EBF1: variants seen among roughly 807,000 people sequenced by gnomAD.
EBF1 encodes transcription factor COE1.
In EBF1, 10 loss-of-function variants were observed where a neutral mutation model predicts 68.4. The ratio of observed to expected loss-of-function variants is 0.15; its 90% confidence interval spans 0.09 to 0.25. The LOEUF (loss-of-function observed/expected upper bound fraction) is 0.25, where lower values mean the gene tolerates loss of function less well. Among genes scored for constraint, EBF1 ranks in the 10% least tolerant of loss-of-function variants. The pLI is 1.00. For synonymous variants in EBF1, 298 were observed against 299.8 expected (o/e 0.99, Z 0.06); for missense variants, 509 against 794.4 (o/e 0.64, Z 4.32).
At chr5:158,725,917 A>G (rs1371991562) in intron 11 of EBF1, among the ~76,000 whole-genome samples, 2 of 152,226 alleles carry the variant, frequency 1.3e-5, no homozygotes, top group Non-Finnish European at 2.9e-5. Flanking sequence ...ATTCATCACA[A>G]ACTGTCAGCA....
intron 10 of EBF1, among the ~76,000 whole-genome samples, chr5:158,776,857 T>C (rs1393972675): frequency 6.6e-6 from 1 of 152,192 alleles, no homozygotes; most frequent in Non-Finnish European, 1.5e-5. Flanking sequence ...TGCCTGGTTC[T>C]CTCTGTCTGA....
intron 6 of EBF1, among the ~76,000 whole-genome samples, chr5:159,042,783 G>A (rs1771480733): frequency 6.6e-6 from 1 of 151,616 alleles, no homozygotes; most frequent in Admixed American, 6.6e-5. Context: ...GTTAAGTTCT[G>A]TAGAGTGTTC....
intron 9 of EBF1, among the ~76,000 whole-genome samples, chr5:158,783,693 CCCACTGTGGCCTCTGGGTACAAAGTAAAG>C (rs1340220278): frequency 1.3e-5 from 2 of 152,156 alleles, no homozygotes; most frequent in East Asian, 1.9e-4. Context: ...GCGAGATATG[CCCACTGTGGCCTCTGGGTACAAAGTAAAG>C]CCACTGTGGC....
chr5:158,939,781 T>A lies in EBF1; in HGVS notation c.555-99671A>T, dbSNP rs138390382. Among the ~76,000 whole-genome samples, 672 of 152,158 alleles carry A rather than the reference T, an allele frequency of 4.4e-3. 4 individuals are homozygous for A. The highest frequency in any genetic ancestry group is 0.015 in the African/African-American group (618 of 41,494). On this transcript the variant is annotated intron_variant, in intron 6 of 15. Transcript: ENST00000313708. Reference sequence around the variant, plus strand: ...GGGGTGGGGGAGGCTGCGAGGTAGCTCCTACCTCAGAAATCATCTAACAAA... The same window carrying A: ...GGGGTGGGGGAGGCTGCGAGGTAGCACCTACCTCAGAAATCATCTAACAAA...
chr5:158,989,447 G>A (rs1264992420), intron 6 of EBF1, among the ~76,000 whole-genome samples: 1 of 152,198 alleles, frequency 6.6e-6, no homozygotes, highest in Admixed American at 6.5e-5. Context: ...GAGTGATGGT[G>A]AGGCTCTTGG....
intron 6 of EBF1, among the ~76,000 whole-genome samples, chr5:158,921,441 A>G (rs1808418679): frequency 6.6e-6 from 1 of 152,186 alleles, no homozygotes; most frequent in South Asian, 2.1e-4. Flanking sequence ...CTATGGTTCC[A>G]AGTCAAGGTT....
chr5:159,063,175 GC>G, intron 6 of EBF1, among the ~76,000 whole-genome samples: 1 of 152,252 alleles, frequency 6.6e-6, no homozygotes, highest in East Asian at 1.9e-4. Flanking sequence ...CGTAGTCACT[GC>G]CCTCTTAGGC....
At chr5:158,731,258 T>G in intron 10 of EBF1, 101 bp from the exon 11 acceptor site, 1 of 1,058,634 alleles carries the variant, frequency 9.4e-7, no homozygotes, top group Non-Finnish European at 1.4e-6. Flanking sequence ...GTCCAAAGTT[T>G]AACTGATACT....
chr5:158,894,794 C>T (rs1801854431), intron 6 of EBF1, among the ~76,000 whole-genome samples: 1 of 152,106 alleles, frequency 6.6e-6, no homozygotes, highest in Non-Finnish European at 1.5e-5. Context: ...TTTCAATGGG[C>T]TTTTACAACA....
intron 8 of EBF1, among the ~76,000 whole-genome samples, chr5:158,822,845 G>T (rs924656091): frequency 2.0e-5 from 3 of 152,088 alleles, no homozygotes; most frequent in Non-Finnish European, 2.9e-5. Flanking sequence ...TTTTCCCTTG[G>T]ATTGGCCTTT....
chr5:158,807,216 A>G (rs1048019891), intron 8 of EBF1, among the ~76,000 whole-genome samples: 1 of 152,142 alleles, frequency 6.6e-6, no homozygotes, highest in Non-Finnish European at 1.5e-5. Flanking sequence ...TGCTAGGAAC[A>G]ACGATTAATC....
chr5:158,799,275 T>C (rs77590441), intron 8 of EBF1, among the ~76,000 whole-genome samples: 3,336 of 152,016 alleles, frequency 0.022, 58 homozygotes, highest in Non-Finnish European at 0.034. Context: ...AAAGGTTTTT[T>C]AAAAACTAGC....
intron 8 of EBF1, among the ~76,000 whole-genome samples, chr5:158,806,779 A>G (rs1781667229): frequency 6.6e-6 from 1 of 152,120 alleles, no homozygotes; most frequent in Non-Finnish European, 1.5e-5. Context: ...TAGGTGATGA[A>G]GCCTATTATA....
chr5:158,987,953 C>T (rs1020559132), intron 6 of EBF1, among the ~76,000 whole-genome samples: 2 of 152,174 alleles, frequency 1.3e-5, no homozygotes, highest in Non-Finnish European at 2.9e-5. Context: ...GGCATCCCCC[C>T]GGGGCTCACT....
At chr5:158,969,912 GAAAGA>G (rs1459713986) in intron 6 of EBF1, among the ~76,000 whole-genome samples, 364 of 92,228 alleles carry the variant, frequency 3.9e-3, no homozygotes, top group African/African-American at 1.0e-2. Flanking sequence ...AAGAAAGAAA[GAAAGA>G]AAAAAAAAAA....
chr5:159,009,377 ATTGTG>A (rs2127673542), intron 6 of EBF1, among the ~76,000 whole-genome samples: 1 of 152,308 alleles, frequency 6.6e-6, no homozygotes, highest in African/African-American at 2.4e-5. Flanking sequence ...CAACCTCGTG[ATTGTG>A]TGGAACTTGA....
intron 6 of EBF1, among the ~76,000 whole-genome samples, chr5:158,878,010 C>T (rs1267218383): frequency 6.6e-6 from 1 of 151,804 alleles, no homozygotes; most frequent in Non-Finnish European, 1.5e-5. Context: ...CCAACTGCAA[C>T]TCTGTCAGGT....
intron 9 of EBF1, 71 bp from the exon 10 acceptor site, chr5:158,777,610 T>C: frequency 6.9e-7 from 1 of 1,458,924 alleles, no homozygotes; most frequent in Non-Finnish European, 9.2e-7. Flanking sequence ...CTAATAGCTC[T>C]CCATAAACAA....
chr5:158,764,559 T>C (rs1772222138), intron 10 of EBF1, among the ~76,000 whole-genome samples: 1 of 152,152 alleles, frequency 6.6e-6, no homozygotes, highest in Non-Finnish European at 1.5e-5. Flanking sequence ...GACACGGCCT[T>C]CAGGAAGCTT....
Sources: gnomAD v4.1 joint callset for allele counts (sites outside exome capture counted in the v4.1 genomes callset) on GRCh38, gnomAD v4.1.1 for gene constraint, MANE v1.5 for transcripts, NCBI Gene and HGNC (gene_info 2026-07-23, HGNC 2026-07-21) for gene names.